CTNNA3: variants seen among roughly 807,000 people sequenced by gnomAD.
CTNNA3 encodes catenin alpha-3.
A neutral mutation model predicts 95.7 loss-of-function variants in CTNNA3; 76 were observed. That is an observed-to-expected ratio of 0.79 (90% CI 0.66 to 0.96). The LOEUF is 0.96. Ranked by LOEUF, CTNNA3 falls within the 40% of genes least tolerant of loss-of-function variation. The pLI is 0.00. For synonymous variants in CTNNA3, 431 were observed against 374.4 expected (o/e 1.15, Z -1.74); for missense variants, 1,191 against 1,089.8 (o/e 1.09, Z -1.31).
chr10:66,270,359 C>T (rs186933424), intron 13 of CTNNA3, among the ~76,000 whole-genome samples: 124 of 152,130 alleles, frequency 8.2e-4, no homozygotes, highest in African/African-American at 2.9e-3. Context: ...CATGCACCAC[C>T]ATGCCCGGAT....
At chr10:66,076,017 C>T (rs2080549051) in intron 14 of CTNNA3, among the ~76,000 whole-genome samples, 1 of 151,244 alleles carries the variant, frequency 6.6e-6, no homozygotes, top group Non-Finnish European at 1.5e-5. Flanking sequence ...TAGAGAATTT[C>T]TAATTAATTC....
At position 66,088,485 on chromosome 10, in the gene CTNNA3, T is replaced by TTGTGTG. The variant is rs3074377; in HGVS notation, c.1977+14666_1977+14671dup. Among the ~76,000 whole-genome samples the TTGTGTG allele has an allele frequency of 3.7e-3, 519 of 139,640 alleles. 4 individuals are homozygous for TTGTGTG. The highest frequency in any genetic ancestry group is 0.014 in the South Asian group (58 of 4,214). 91.6% of individuals were successfully genotyped at this position (139,640 alleles called of 152,430 possible). A position where few individuals can be genotyped will look rare whatever the true frequency, so the allele number is the denominator to read the frequency against. ...ATATTTATGTAGATAGGTAGGTGTT[T>TTGTGTG]TGTGTGTGTGTGTGTGTGTGTGTGT... On this transcript the variant is annotated intron_variant, in intron 14 of 17. Coordinates refer to ENST00000433211, the MANE Select transcript of CTNNA3 (RefSeq NM_013266.4).
At chr10:66,610,380 A>T (rs771162607) in intron 10 of CTNNA3, among the ~76,000 whole-genome samples, 48 of 152,262 alleles carry the variant, frequency 3.2e-4, no homozygotes, top group African/African-American at 7.2e-5. Flanking sequence ...GGTTAGGTGG[A>T]TGGTCTCTTT....
chr10:66,266,256 CA>C (rs1267619863), intron 13 of CTNNA3, among the ~76,000 whole-genome samples: 1 of 151,858 alleles, frequency 6.6e-6, no homozygotes, highest in Non-Finnish European at 1.5e-5. Flanking sequence ...AACAATGCAT[CA>C]AAGGGAGAAA....
chr10:67,081,054 A>T (rs993710415), intron 7 of CTNNA3, among the ~76,000 whole-genome samples: 1 of 152,224 alleles, frequency 6.6e-6, no homozygotes, highest in Non-Finnish European at 1.5e-5. Context: ...TTTGGCACTT[A>T]AACTATGATG....
intron 5 of CTNNA3, among the ~76,000 whole-genome samples, chr10:67,502,105 T>C (rs888797540): frequency 4.6e-5 from 7 of 152,236 alleles, no homozygotes; most frequent in African/African-American, 1.7e-4. Flanking sequence ...CATGGATTTA[T>C]ATACCTTTAT....
At chr10:67,233,875 T>A (rs142467421) in intron 5 of CTNNA3, among the ~76,000 whole-genome samples, 1 of 152,184 alleles carries the variant, frequency 6.6e-6, no homozygotes, top group African/African-American at 2.4e-5. Context: ...CAGAGAATAC[T>A]ACAAACACCT....
intron 5 of CTNNA3, among the ~76,000 whole-genome samples, chr10:67,394,160 T>C (rs1430528780): frequency 1.3e-5 from 2 of 152,170 alleles, no homozygotes; most frequent in South Asian, 2.1e-4. Flanking sequence ...TGATATCACA[T>C]ACACAATGTT....
chr10:67,085,037 A>T (rs1857224740), intron 7 of CTNNA3, among the ~76,000 whole-genome samples: 1 of 151,962 alleles, frequency 6.6e-6, no homozygotes, highest in Non-Finnish European at 1.5e-5. Flanking sequence ...CTTAACCTTG[A>T]GCTTCAAATT....
At chr10:67,023,984 T>G (rs1853191338) in intron 7 of CTNNA3, among the ~76,000 whole-genome samples, 1 of 152,222 alleles carries the variant, frequency 6.6e-6, no homozygotes, top group African/African-American at 2.4e-5. Context: ...GAGTCTATAT[T>G]AATTTCCTCT....
intron 1 of CTNNA3, among the ~76,000 whole-genome samples, chr10:67,648,168 C>T (rs964299267): frequency 1.3e-5 from 2 of 152,112 alleles, no homozygotes; most frequent in African/African-American, 4.8e-5. Flanking sequence ...AATTGCAAGC[C>T]ATTCTCTAAG....
chr10:67,762,185 C>CA (rs55895053), intron 1 of CTNNA3, among the ~76,000 whole-genome samples: 1,574 of 72,286 alleles, frequency 0.022, 28 homozygotes, highest in Admixed American at 0.085. Flanking sequence ...ATAAATCAGC[C>CA]AAAAAAAAAA....
chr10:66,730,701 C>T (rs1848933582), intron 9 of CTNNA3, among the ~76,000 whole-genome samples: 1 of 152,174 alleles, frequency 6.6e-6, no homozygotes, highest in Non-Finnish European at 1.5e-5. Flanking sequence ...TTTTATATCA[C>T]ATGGTGAATA....
chr10:66,314,540 G>C (rs544262131), intron 12 of CTNNA3, among the ~76,000 whole-genome samples: 3 of 152,030 alleles, frequency 2.0e-5, no homozygotes, highest in South Asian at 2.1e-4. Flanking sequence ...AAGTATGGCA[G>C]AGAAAACTCT....
At chr10:66,188,084 C>T (rs1367162058) in intron 13 of CTNNA3, among the ~76,000 whole-genome samples, 1 of 152,030 alleles carries the variant, frequency 6.6e-6, no homozygotes, top group Non-Finnish European at 1.5e-5. Flanking sequence ...GAAATACTAT[C>T]ACTAAGCTTG....
chr10:65,969,748 C>T (rs1397359324), intron 16 of CTNNA3, among the ~76,000 whole-genome samples: 1 of 151,914 alleles, frequency 6.6e-6, no homozygotes, highest in Non-Finnish European at 1.5e-5. Context: ...ATAAAATAAA[C>T]AAAGTCTTTG....
chr10:65,921,005 T>C (rs575384893), intron 17 of CTNNA3, among the ~76,000 whole-genome samples: 2 of 152,316 alleles, frequency 1.3e-5, no homozygotes, highest in Admixed American at 1.3e-4. Flanking sequence ...GTAATGTGTT[T>C]TGCAAATAAC....
chr10:66,501,645 T>C (rs767716861), intron 11 of CTNNA3, among the ~76,000 whole-genome samples: 37 of 152,180 alleles, frequency 2.4e-4, no homozygotes, highest in Non-Finnish European at 5.0e-4. Context: ...GCTATAAAGA[T>C]GGCAGAACAG....
At chr10:67,724,756 C>T (rs765145905) in intron 1 of CTNNA3, among the ~76,000 whole-genome samples, 1 of 152,110 alleles carries the variant, frequency 6.6e-6, no homozygotes, top group East Asian at 1.9e-4. Flanking sequence ...TTTTACGGCC[C>T]GAATCACTAA....
Sources: gnomAD v4.1 joint callset for allele counts (sites outside exome capture counted in the v4.1 genomes callset) on GRCh38, gnomAD v4.1.1 for gene constraint, MANE v1.5 for transcripts, NCBI Gene and HGNC (gene_info 2026-07-23, HGNC 2026-07-21) for gene names.